ZNF420: variants seen among roughly 807,000 people sequenced by gnomAD.
ZNF420 encodes zinc finger protein 420, also known as ATM and p53-associated KZNF protein.
A neutral mutation model predicts 44.7 loss-of-function variants in ZNF420; 31 were observed. The ratio of observed to expected loss-of-function variants is 0.69; its 90% CI spans 0.52 to 0.94. The LOEUF is 0.94. ZNF420 is among the 40% of genes least tolerant of loss of function. The pLI, the probability that ZNF420 is intolerant of heterozygous loss-of-function variation, is 0.00. For synonymous variants in ZNF420, 245 were observed against 267.4 expected (o/e 0.92, Z 0.82); for missense variants, 681 against 827.9 (o/e 0.82, Z 2.18).
At chr19:37,114,747 G>GT (rs397693252) in intron 4 of ZNF420, among the ~76,000 whole-genome samples, 1 of 150,784 alleles carries the variant, frequency 6.6e-6, no homozygotes, top group Non-Finnish European at 1.5e-5. Context: ...ATTTTCCAGG[G>GT]CATCAGAAAC....
At chr19:37,023,779 C>T (rs2074666148) in intron 1 of ZNF420, among the ~76,000 whole-genome samples, 1 of 152,158 alleles carries the variant, frequency 6.6e-6, no homozygotes. Flanking sequence ...GAAAAGTTCA[C>T]ACCGGTACAA....
chr19:37,128,448 G>A lies in ZNF420; in HGVS notation c.1457G>A (p.Arg486His), dbSNP rs764679377. Residue 486 changes from arginine (R) to histidine (H), a missense_variant, in exon 5 of 5, where the codon CGT becomes CAT. Physicochemically the swap from Arg to His is conservative, Grantham distance 29. This residue lies in a region of ZNF420 where 280 missense variants were observed against 338.6 expected (regional missense o/e 0.83). Coordinates refer to ENST00000337995, the MANE Select transcript of ZNF420 (RefSeq NM_144689.5). ...AAGGAATGTGGGAAATCTTTTATTCGTGGTTCCCAGCTTACTCAACATCAG... is the reference window on the plus strand; with the variant it reads ...AAGGAATGTGGGAAATCTTTTATTCATGGTTCCCAGCTTACTCAACATCAG... ...ECKECGKSFIRGSQLTQHQRI... is the reference protein window; with the variant it reads ...ECKECGKSFIHGSQLTQHQRI... 22 of 1,613,846 alleles carry A rather than the reference G, an allele frequency of 1.4e-5. No individual in the cohort carries two copies. Among genetic ancestry groups the A allele is most frequent in the African/African-American group, 2.7e-5 (2 of 74,880 alleles).
chr19:37,095,609 CT>C (rs1323013355), intron 4 of ZNF420, among the ~76,000 whole-genome samples: 1 of 150,974 alleles, frequency 6.6e-6, no homozygotes, highest in Non-Finnish European at 1.5e-5. Flanking sequence ...CTTTTCTTTT[CT>C]TTTTTGAGAT....
At chr19:37,049,070 T>C (rs542549285) in intron 1 of ZNF420, among the ~76,000 whole-genome samples, 259 of 152,260 alleles carry the variant, frequency 1.7e-3, no homozygotes, top group African/African-American at 6.0e-3. Flanking sequence ...GGCTGCATAG[T>C]ATTCCATGGT....
intron 2 of ZNF420, among the ~76,000 whole-genome samples, chr19:37,087,819 T>G (rs973666462): frequency 2.0e-5 from 3 of 152,076 alleles, no homozygotes; most frequent in East Asian, 1.9e-4. Flanking sequence ...CTAATTTTTT[T>G]TATTTTTAGT....
chr19:37,090,662 C>T (rs1002455514), intron 3 of ZNF420, among the ~76,000 whole-genome samples: 1 of 152,100 alleles, frequency 6.6e-6, no homozygotes, highest in Admixed American at 6.6e-5. Flanking sequence ...TGGCTCACAC[C>T]TGTAATCCCA....
chr19:37,034,584 C>T (rs980777127), intron 1 of ZNF420, among the ~76,000 whole-genome samples: 1 of 152,148 alleles, frequency 6.6e-6, no homozygotes, highest in African/African-American at 2.4e-5. Context: ...TCATGTCTCT[C>T]CTGCCTCATA....
intron 1 of ZNF420, among the ~76,000 whole-genome samples, chr19:37,044,806 C>G (rs1170078618): frequency 6.6e-6 from 1 of 152,120 alleles, no homozygotes; most frequent in Non-Finnish European, 1.5e-5. Flanking sequence ...TCCAGCCAAA[C>G]TACAAGAGCA....
At chr19:37,093,031 A>C (rs1247377275) in intron 4 of ZNF420, 1 of 152,160 alleles carries the variant, frequency 6.6e-6, no homozygotes, top group Non-Finnish European at 1.5e-5. Context: ...TATAATAAAA[A>C]GAGATTTACT....
intron 1 of ZNF420, among the ~76,000 whole-genome samples, chr19:37,014,506 C>T (rs2146373124): frequency 6.6e-6 from 1 of 152,316 alleles, no homozygotes; most frequent in South Asian, 2.1e-4. Context: ...GATCCGAACA[C>T]GAAGTCGGCT....
intron 1 of ZNF420, among the ~76,000 whole-genome samples, chr19:37,040,226 C>A (rs1967428892): frequency 6.6e-6 from 1 of 152,208 alleles, no homozygotes; most frequent in South Asian, 2.1e-4. Context: ...CTTCATCTTG[C>A]ACTATTATAT....
At chr19:37,073,751 GAAAAAA>G (rs71177422), upstream of ZNF420, among the ~76,000 whole-genome samples, 2 of 100,646 alleles carry the variant, frequency 2.0e-5, no homozygotes, top group Admixed American at 1.1e-4. Flanking sequence ...CCTGAAAAAA[GAAAAAA>G]AAAAAAAAAG....
At chr19:37,065,760 T>G (rs775709337) in intron 1 of ZNF420, among the ~76,000 whole-genome samples, 9 of 152,216 alleles carry the variant, frequency 5.9e-5, no homozygotes, top group Non-Finnish European at 8.8e-5. Context: ...GTCACTAAAT[T>G]TGTGGTAATT....
intron 4 of ZNF420, chr19:37,114,859 CTTGTT>C (rs1182515144): frequency 1.3e-5 from 2 of 152,094 alleles, no homozygotes; most frequent in East Asian, 1.9e-4. Flanking sequence ...TCCCTACTTG[CTTGTT>C]TTAATTCTTT....
Position 37,127,565 on chromosome 19 carries a change from G to C in ZNF420, c.574G>C (p.Glu192Gln). The change falls in exon 5 of 5, where the codon GAG becomes CAG. Residue 192 changes from glutamate (E) to glutamine (Q), a missense_variant. Around this residue, in one of 3 missense-constraint regions of ZNF420, gnomAD observed 350 missense variants for 382.5 expected, o/e 0.92. Coordinates refer to ENST00000337995, the MANE Select transcript of ZNF420 (RefSeq NM_144689.5). ...TCTTCATCAGAGACTTCATACTGGT[G>C]AGAAACCCTATGCATGTAAGGAATG... ...LSLHQRLHTG[E>Q]KPYACKECGK... 3.7e-6 allele frequency: 6 copies of C among 1,614,014 alleles called. No homozygotes were observed. Among genetic ancestry groups the C allele is most frequent in the Non-Finnish European group, 5.1e-6 (6 of 1,179,950 alleles).
At chr19:37,094,216 T>A (rs1418630601) in intron 4 of ZNF420, among the ~76,000 whole-genome samples, 1 of 152,234 alleles carries the variant, frequency 6.6e-6, no homozygotes, top group Non-Finnish European at 1.5e-5. Flanking sequence ...CTCCATTTAA[T>A]TTATTACCAA....
intron 4 of ZNF420, among the ~76,000 whole-genome samples, chr19:37,097,797 A>G (rs940115643): frequency 8.5e-5 from 13 of 152,276 alleles, no homozygotes; most frequent in African/African-American, 3.1e-4. Flanking sequence ...GCTAGATTCT[A>G]TGTTCCTAAT....
At chr19:37,012,131 C>A (rs925538132) in intron 1 of ZNF420, among the ~76,000 whole-genome samples, 1 of 152,120 alleles carries the variant, frequency 6.6e-6, no homozygotes, top group African/African-American at 2.4e-5. Context: ...CCTCCTCCAC[C>A]GGTAGAAGTC....
In ZNF420 at chr19:37,103,496, G is replaced by A. The variant is rs149390831; in HGVS notation, c.136+12375G>A. 8.4e-3 allele frequency among the ~76,000 whole-genome samples: 1,284 copies of A among 152,136 alleles called. 13 individuals are homozygous for A. Among genetic ancestry groups the A allele is most frequent in the Middle Eastern group, 0.037 (11 of 294 alleles). On this transcript the variant is annotated intron_variant, in intron 4 of 4. Coordinates refer to ENST00000337995, the MANE Select transcript of ZNF420 (RefSeq NM_144689.5). ...GGAGCTAAGTTGTTGGTTACATAAT[G>A]GTCATGACTATTCATCCTCTTGCCT...
Sources: gnomAD v4.1 joint callset for allele counts (sites outside exome capture counted in the v4.1 genomes callset) on GRCh38, gnomAD v4.1.1 for gene constraint, gnomAD v4.1.1 regional missense constraint, MANE v1.5 for transcripts, NCBI Gene and HGNC (gene_info 2026-07-23, HGNC 2026-07-21) for gene names.